The following PTPRN2 variants were observed in gnomAD, a reference collection of about 807,000 sequenced individuals.
PTPRN2 encodes protein tyrosine phosphatase receptor type N2.
Under a neutral mutation model 118.8 loss-of-function variants are expected in PTPRN2, and 74 were observed. The ratio of observed to expected loss-of-function variants is 0.62; its 90% CI spans 0.52 to 0.76. The LOEUF is 0.76. PTPRN2 is among the 30% of genes least tolerant of loss of function. PTPRN2 has a pLI of 0.00. For synonymous variants in PTPRN2, 641 were observed against 608.0 expected (o/e 1.05, Z -0.80); for missense variants, 1,481 against 1,394.4 (o/e 1.06, Z -0.99).
chr7:158,071,063 G>T (rs191396848), intron 11 of PTPRN2, among the ~76,000 whole-genome samples: 1 of 98,196 alleles, frequency 1.0e-5, no homozygotes. Context: ...GGTGGTGGAG[G>T]TGCTCGTGGT....
chr7:158,570,102 G>A lies in PTPRN2; in HGVS notation c.112+17456C>T, dbSNP rs558794631. The stretch of plus-strand genomic sequence containing the variant: ...CAGGGGGAAGCCCCGAGAAGCCGCC[G>A]CGCCGGGCTGAGATCGGGCCCCAGG... On this transcript the variant is annotated intron_variant, in intron 1 of 22. Transcript: ENST00000389418. This position sits in a 1 kb window ranked among gnomAD's most constrained non-coding sequence, Gnocchi z 4.5. 7.9e-5 allele frequency among the ~76,000 whole-genome samples: 12 copies of A among 152,282 alleles called. No homozygotes were observed. The highest frequency in any genetic ancestry group is 2.6e-4 in the African/African-American group (11 of 41,588).
chr7:157,549,061 T>A (rs757277377), intron 21 of PTPRN2, 42 bp from the exon 22 acceptor site: 5 of 1,573,488 alleles, frequency 3.2e-6, no homozygotes, highest in Non-Finnish European at 4.4e-6. Context: ...GAGCACAAGA[T>A]AATCCATGCC....
Position 157,805,322 on chromosome 7 carries a change from T to C in PTPRN2, c.1788+93351A>G, listed in dbSNP as rs571921666. ...GTGTGTGTGTGTGTGTGTGTGCGTG[T>C]GCAAATACATCATCAACTGAAGGTC... On this transcript the variant is annotated intron_variant, in intron 12 of 22. Coordinates refer to ENST00000389418, the MANE Select transcript of PTPRN2 (RefSeq NM_002847.5). Among the ~76,000 whole-genome samples the C allele has an allele frequency of 2.1e-3, 304 of 147,632 alleles. 3 individuals are homozygous for C. The South Asian group carries it at 0.042, about 20-fold the overall frequency.
chr7:158,408,438 G>C (rs560948037), intron 2 of PTPRN2, among the ~76,000 whole-genome samples: 121 of 152,334 alleles, frequency 7.9e-4, no homozygotes, highest in African/African-American at 2.8e-3. Context: ...AGAGGAAGAA[G>C]AAGAAAACCG....
chr7:157,601,289 T>C (rs1801652229), intron 16 of PTPRN2, among the ~76,000 whole-genome samples: 1 of 152,194 alleles, frequency 6.6e-6, no homozygotes, highest in Non-Finnish European at 1.5e-5. Flanking sequence ...GATGTAATTA[T>C]CATAGTTTTA....
Position 157,615,750 on chromosome 7 carries a change from T to G in PTPRN2, c.2344+5612A>C. The G allele has an allele frequency of 7.7e-6, 3 of 387,672 alleles. No individual in the cohort carries two copies. The highest frequency in any genetic ancestry group is 5.7e-5 in the South Asian group (3 of 52,900). The allele number at this position is 387,672 out of a possible 1,614,324, so 24.0% of individuals were successfully genotyped here. On this transcript the variant is annotated intron_variant, in intron 15 of 22. Transcript: ENST00000389418. The surrounding 1 kb of genome is among the most constrained non-coding windows in gnomAD (Gnocchi z 4.3). ...CTCAGGAACCACAAGCTCTGGAGGCTGAACGAGAATCGGTTACAGGAGATG... is the reference window on the plus strand; with the variant it reads ...CTCAGGAACCACAAGCTCTGGAGGCGGAACGAGAATCGGTTACAGGAGATG...
intron 11 of PTPRN2, among the ~76,000 whole-genome samples, chr7:157,919,340 A>C (rs1302328709): frequency 2.6e-5 from 4 of 152,236 alleles, no homozygotes; most frequent in Non-Finnish European, 4.4e-5. Context: ...TCTTAGGTTA[A>C]GAAGGAAATG....
In PTPRN2 at chr7:157,721,632, C is replaced by T. The variant is rs559881053; in HGVS notation, c.1789-38695G>A. Among the ~76,000 whole-genome samples the T allele has an allele frequency of 9.2e-5, 14 of 152,280 alleles. No individual in the cohort carries two copies. In the East Asian group the frequency reaches 1.5e-3, roughly 17 times the overall value. ...AGCTCCCCTCTACACTGGGTGTGCC[C>T]GAGCTTGCTGCATGGGAGGAAGGTG... On this transcript the variant is annotated intron_variant, in intron 12 of 22. Coordinates refer to ENST00000389418, the MANE Select transcript of PTPRN2 (RefSeq NM_002847.5).
At chr7:158,267,097 C>T (rs2150947422) in intron 3 of PTPRN2, among the ~76,000 whole-genome samples, 1 of 152,376 alleles carries the variant, frequency 6.6e-6, no homozygotes, top group East Asian at 1.9e-4. Flanking sequence ...GCGGCAGGTC[C>T]CGCCTGGCAC....
intron 12 of PTPRN2, among the ~76,000 whole-genome samples, chr7:157,823,681 G>A (rs978866762): frequency 9.2e-5 from 14 of 152,284 alleles, no homozygotes; most frequent in Middle Eastern, 3.4e-3. Context: ...GCAAGGACTG[G>A]TGAAGTTTTC....
chr7:158,565,186 G>T lies in PTPRN2; in HGVS notation c.112+22372C>A, dbSNP rs141589479. 1.8e-3 allele frequency among the ~76,000 whole-genome samples: 273 copies of T among 152,296 alleles called. 2 individuals carry two copies. The highest frequency in any genetic ancestry group is 0.014 in the South Asian group (68 of 4,824). ...ACACAGTCCGTGCTACATCAGATCTGAGTATCAGGATCCAGCCGTATTTGA... is the reference window on the plus strand; with the variant it reads ...ACACAGTCCGTGCTACATCAGATCTTAGTATCAGGATCCAGCCGTATTTGA... On this transcript the variant is annotated intron_variant, in intron 1 of 22. Coordinates refer to ENST00000389418, the MANE Select transcript of PTPRN2 (RefSeq NM_002847.5). This position sits in a 1 kb window ranked among gnomAD's most constrained non-coding sequence, Gnocchi z 4.6.
At chr7:158,507,226 A>G (rs1266147304) in intron 1 of PTPRN2, among the ~76,000 whole-genome samples, 2 of 152,122 alleles carry the variant, frequency 1.3e-5, no homozygotes, top group Non-Finnish European at 2.9e-5. Context: ...TAGGCAGGAA[A>G]TTGCACACAG....
At chr7:158,102,558 T>C (rs1216974534) in intron 10 of PTPRN2, among the ~76,000 whole-genome samples, 1 of 152,158 alleles carries the variant, frequency 6.6e-6, no homozygotes, top group Non-Finnish European at 1.5e-5. Context: ...TCATCAGTAA[T>C]TGTGGGCCTT....
In PTPRN2 at chr7:158,071,733, GTGGTGGAGGTGCTCA is replaced by G. The variant is rs1187840611; in HGVS notation, c.1723+9550_1723+9564del. On this transcript the variant is annotated intron_variant, in intron 11 of 22. Transcript: ENST00000389418. Reference sequence around the variant, plus strand: ...GCTCCTGGTGGTGGAGGTGCTCGTGGTGGTGGAGGTGCTCATGGTGGAGGTGCTCGTGGTGATGGA... The same window carrying G: ...GCTCCTGGTGGTGGAGGTGCTCGTGGTGGTGGAGGTGCTCGTGGTGATGGA... Among the ~76,000 whole-genome samples, 98 of 124,522 alleles carry G rather than the reference GTGGTGGAGGTGCTCA, an allele frequency of 7.9e-4. 2 individuals are homozygous for G. Among genetic ancestry groups the G allele is most frequent in the East Asian group, 2.5e-3 (11 of 4,328 alleles). The allele number at this position is 124,522 out of a possible 152,430, so 81.7% of individuals were successfully genotyped here. A position where few individuals can be genotyped will look rare whatever the true frequency, so the allele number is the denominator to read the frequency against.
chr7:158,206,738 C>G (rs1471216122), intron 3 of PTPRN2, among the ~76,000 whole-genome samples: 1 of 151,854 alleles, frequency 6.6e-6, no homozygotes, highest in Non-Finnish European at 1.5e-5. Context: ...GCCCCTAATG[C>G]AGATATGGCT....
intron 12 of PTPRN2, among the ~76,000 whole-genome samples, chr7:157,734,159 CT>C (rs1250179490): frequency 2.1e-5 from 3 of 140,102 alleles, no homozygotes; most frequent in African/African-American, 8.3e-5. Context: ...AGCACAGTTA[CT>C]CTTTTCCACC....
intron 2 of PTPRN2, among the ~76,000 whole-genome samples, chr7:158,405,011 T>TCAGCTCCCCGGCCC: frequency 4.4e-5 from 2 of 45,060 alleles, no homozygotes; most frequent in African/African-American, 9.3e-5. Context: ...CTCCTCGGCC[T>TCAGCTCCCCGGCCC]CAGCTCCCCG....
chr7:157,651,280 G>A (rs1183340099), intron 14 of PTPRN2, among the ~76,000 whole-genome samples: 1 of 152,150 alleles, frequency 6.6e-6, no homozygotes, highest in African/African-American at 2.4e-5. Flanking sequence ...GTCGTCATCT[G>A]TGAAATGGGC....
At chr7:157,840,199 G>A (rs111204856) in intron 12 of PTPRN2, among the ~76,000 whole-genome samples, 3,942 of 139,704 alleles carry the variant, frequency 0.028, 135 homozygotes, top group South Asian at 0.13. Flanking sequence ...GACTGTGACC[G>A]CGTGTGACTG....
Sources: gnomAD v4.1 joint callset for allele counts (sites outside exome capture counted in the v4.1 genomes callset) on GRCh38, gnomAD v4.1.1 for gene constraint, Gnocchi (gnomAD v3.1) non-coding constraint, MANE v1.5 for transcripts, NCBI Gene and HGNC (gene_info 2026-07-23, HGNC 2026-07-21) for gene names.